Variants in PRAG1 observed in about 807,000 individuals in gnomAD.
PRAG1 encodes the protein PEAK1 related, kinase-activating pseudokinase 1, also known as inactive tyrosine-protein kinase PRAG1.
In PRAG1, 110 loss-of-function variants were observed where a neutral mutation model predicts 95.6. The observed-to-expected ratio is 1.15, with a 90% CI of 0.99 to 1.35. PRAG1 has a LOEUF of 1.35. Among genes scored for constraint, PRAG1 ranks in the 40% most tolerant of loss-of-function variants. The pLI, the probability that PRAG1 is intolerant of heterozygous loss-of-function variation, is 0.00. For missense variants in PRAG1, 2,554 were observed against 1,864.7 expected (o/e 1.37, Z -6.81); for synonymous variants, 1,052 against 819.4 (o/e 1.28, Z -4.85).
At chr8:8,373,661 C>T (rs1800287965) in intron 3 of PRAG1, among the ~76,000 whole-genome samples, 1 of 152,126 alleles carries the variant, frequency 6.6e-6, no homozygotes, top group Non-Finnish European at 1.5e-5. Context: ...CCATGTTGCC[C>T]AGGTTGGTCT....
chr8:8,318,925 G>T lies in PRAG1; in HGVS notation c.3450C>A (p.Asn1150Lys). ...GGAGGGTGCAGTGCACCAGCAGCAG[G>T]TTCTCCAGGCACAGGTCCCGGTGGA... ...GIIHRDLCLE[N>K]LLLVHCTLQA... Residue 1150 changes from asparagine (N) to lysine (K), a missense_variant, in exon 6 of 6, where the codon AAC (asparagine) becomes AAA (lysine). Coordinates refer to ENST00000615670, the MANE Select transcript of PRAG1 (RefSeq NM_001080826.3). This position sits in a 1 kb window ranked among gnomAD's most constrained non-coding sequence, Gnocchi z 4.2. 1 of 1,610,500 alleles carries T rather than the reference G, an allele frequency of 6.2e-7. No homozygotes were observed. The highest frequency in any genetic ancestry group is 1.3e-5 in the African/African-American group (1 of 74,900).
intron 3 of PRAG1, among the ~76,000 whole-genome samples, chr8:8,357,794 T>A (rs893105655): frequency 7.2e-5 from 11 of 152,318 alleles, no homozygotes; most frequent in African/African-American, 1.2e-4. Flanking sequence ...AACTTAAGTA[T>A]CCATTAACAG....
chr8:8,361,717 C>A (rs1013179100), intron 3 of PRAG1, among the ~76,000 whole-genome samples: 17 of 152,206 alleles, frequency 1.1e-4, no homozygotes, highest in African/African-American at 3.9e-4. Flanking sequence ...CATTAACATA[C>A]ATTTTTAAAA....
intron 3 of PRAG1, among the ~76,000 whole-genome samples, chr8:8,373,472 C>G (rs1800281275): frequency 1.0e-5 from 1 of 99,350 alleles, no homozygotes; most frequent in South Asian, 3.6e-4. Context: ...TTTTTTGAGA[C>G]AGGGTCTTGC....
At chr8:8,349,571 C>T (rs1026762526) in intron 3 of PRAG1, among the ~76,000 whole-genome samples, 11 of 152,034 alleles carry the variant, frequency 7.2e-5, no homozygotes, top group Admixed American at 2.6e-4. Flanking sequence ...CCTGAGCCAC[C>T]GCGCCCGGCC....
intron 4 of PRAG1, among the ~76,000 whole-genome samples, chr8:8,333,117 G>A (rs1456861961): frequency 6.6e-6 from 1 of 152,240 alleles, no homozygotes; most frequent in African/African-American, 2.4e-5. Context: ...TGATGCTGGT[G>A]TTGGATTGCT....
chr8:8,339,254 C>T (rs181291664), intron 4 of PRAG1, among the ~76,000 whole-genome samples: 63 of 152,306 alleles, frequency 4.1e-4, no homozygotes, highest in African/African-American at 1.3e-3. Context: ...CATGTTGCCA[C>T]GTCCACACTC....
intron 3 of PRAG1, among the ~76,000 whole-genome samples, chr8:8,359,810 T>C (rs1184241821): frequency 6.6e-6 from 1 of 152,214 alleles, no homozygotes; most frequent in East Asian, 1.9e-4. Flanking sequence ...TTAAAGAGGT[T>C]AGAAAACCTT....
rs751753891 is a variant in PRAG1 at position 8,376,812 on chromosome 8, C to T, written c.1597G>A (p.Ala533Thr). The T allele has an allele frequency of 3.7e-6, 6 of 1,611,940 alleles. No individual in the cohort carries two copies. Among genetic ancestry groups the T allele is most frequent in the Non-Finnish European group, 5.1e-6 (6 of 1,179,770 alleles). The change falls in exon 3 of 6, where the codon GCC becomes ACC. Residue 533 changes from alanine (A) to threonine (T), a missense_variant. Ala to Thr is a moderately conservative substitution (Grantham distance 58). Transcript: ENST00000615670. ...CTCTCCTTGGGCTTGCTCTCGCTGG[C>T]ACTGTGAGCATGGCTTTCCCTGGAG... ...LSSRESHAHS[A>T]SESKPKERPA...
chr8:8,340,602 T>C (rs1799130893), intron 3 of PRAG1, among the ~76,000 whole-genome samples: 1 of 152,378 alleles, frequency 6.6e-6, no homozygotes, highest in East Asian at 1.9e-4. Context: ...CAGTACTGAT[T>C]TGGCATCAGA....
At chr8:8,325,234 C>G (rs79363244) in intron 5 of PRAG1, among the ~76,000 whole-genome samples, 12 of 152,186 alleles carry the variant, frequency 7.9e-5, no homozygotes, top group African/African-American at 2.7e-4. Flanking sequence ...CACGGCCCGC[C>G]CCCCCAATGA....
chr8:8,334,684 G>A (rs951330989), intron 4 of PRAG1, among the ~76,000 whole-genome samples: 5 of 148,440 alleles, frequency 3.4e-5, no homozygotes, highest in South Asian at 2.2e-4. Context: ...CGAATGCCCT[G>A]CCTACAGCTC....
chr8:8,384,128 G>A lies in PRAG1; in HGVS notation c.-88+2193C>T, dbSNP rs190881973. Among the ~76,000 whole-genome samples, 12 of 152,296 alleles carry A rather than the reference G, an allele frequency of 7.9e-5. No homozygotes were observed. In the South Asian group the frequency reaches 8.3e-4, roughly 11 times the overall value. Reference sequence around the variant, plus strand: ...TCCTCCTGACACTGGGCTATCTGAGGAGGTGGGTGCCCAACCACTTCCTCA... The same window carrying A: ...TCCTCCTGACACTGGGCTATCTGAGAAGGTGGGTGCCCAACCACTTCCTCA... On this transcript the variant is annotated intron_variant, in intron 1 of 5. Transcript: ENST00000615670.
chr8:8,334,970 C>T (rs1203298661), intron 4 of PRAG1, among the ~76,000 whole-genome samples: 2 of 151,638 alleles, frequency 1.3e-5, no homozygotes, highest in African/African-American at 4.8e-5. Context: ...GTCCTAGCTG[C>T]TGAGGCAGGA....
At chr8:8,384,257 T>C (rs1444430481) in intron 1 of PRAG1, among the ~76,000 whole-genome samples, 1 of 152,066 alleles carries the variant, frequency 6.6e-6, no homozygotes, top group Non-Finnish European at 1.5e-5. Flanking sequence ...GGGGTGACAT[T>C]GGTATCAGAG....
chr8:8,380,665 C>A (rs1320684217), intron 2 of PRAG1, among the ~76,000 whole-genome samples: 1 of 151,796 alleles, frequency 6.6e-6, no homozygotes, highest in Non-Finnish European at 1.5e-5. Flanking sequence ...ACCATCCTGG[C>A]CAACGTGGTG....
intron 2 of PRAG1, among the ~76,000 whole-genome samples, chr8:8,380,728 C>T (rs1387398169): frequency 1.3e-5 from 2 of 151,920 alleles, no homozygotes; most frequent in East Asian, 3.9e-4. Context: ...TGGTGGGTGC[C>T]TGTAATCCCA....
intron 4 of PRAG1, among the ~76,000 whole-genome samples, chr8:8,333,364 C>T (rs942804191): frequency 5.9e-5 from 9 of 152,112 alleles, no homozygotes; most frequent in African/African-American, 1.9e-4. Context: ...CTTTAGCGAA[C>T]GTGCTTCAGG....
rs1228578048 is a variant in PRAG1 at position 8,318,660 on chromosome 8, G to T, written c.3715C>A (p.Leu1239Met). The change falls in exon 6 of 6, where the codon CTG becomes ATG. Residue 1239 changes from leucine to methionine, a missense_variant. Physicochemically the swap from Leu to Met is conservative, Grantham distance 15. Transcript: ENST00000615670. This position sits in a 1 kb window ranked among gnomAD's most constrained non-coding sequence, Gnocchi z 4.2. ...NLQQKKSQAR[L>M]APEIVSASQY... ...GAAGCAGACACGATCTCGGGGGCCA[G>T]CCGGGCCTGGCTCTTCTTCTGCTGC... is the stretch of plus-strand genomic sequence containing the variant. The T allele has an allele frequency of 6.2e-7, 1 of 1,611,808 alleles. No homozygotes were observed. The highest frequency in any genetic ancestry group is 1.3e-5 in the African/African-American group (1 of 74,932).
Sources: gnomAD v4.1 joint callset for allele counts (sites outside exome capture counted in the v4.1 genomes callset) on GRCh38, gnomAD v4.1.1 for gene constraint, Gnocchi (gnomAD v3.1) non-coding constraint, MANE v1.5 for transcripts, NCBI Gene and HGNC (gene_info 2026-07-23, HGNC 2026-07-21) for gene names.